The following LARP4B variants were observed in gnomAD, a reference collection of about 807,000 sequenced individuals.
LARP4B encodes the protein La ribonucleoprotein 4B.
Under a neutral mutation model 89.8 loss-of-function variants are expected in LARP4B, and 12 were observed. That is an observed-to-expected ratio of 0.13 (90% CI 0.09 to 0.22). The LOEUF (loss-of-function observed/expected upper bound fraction) is 0.22, where lower values mean the gene tolerates loss of function less well. LARP4B is among the 10% of genes least tolerant of loss of function. The pLI is 1.00. For synonymous variants in LARP4B, 367 were observed against 363.3 expected (o/e 1.01, Z -0.12); for missense variants, 757 against 947.7 (o/e 0.80, Z 2.64).
At chr10:869,521 T>C (rs1835088280) in intron 3 of LARP4B, among the ~76,000 whole-genome samples, 1 of 152,184 alleles carries the variant, frequency 6.6e-6, no homozygotes, top group South Asian at 2.1e-4. Flanking sequence ...GTTATAGTAA[T>C]TCACAGCCAT....
chr10:942,920 A>G, the LARP4B span, among the ~76,000 whole-genome samples: 1 of 150,610 alleles, frequency 6.6e-6, no homozygotes, highest in Admixed American at 6.6e-5. Context: ...TCCAGCTTTC[A>G]GATGATCACA....
Position 897,950 on chromosome 10 carries a change from T to TGCACTCCA in LARP4B, c.-39-12198_-39-12191dup, listed in dbSNP as rs1474012268. On this transcript the variant is annotated intron_variant, in intron 1 of 17. Coordinates refer to ENST00000316157, the MANE Select transcript of LARP4B (RefSeq NM_015155.3). ...TTGCAGTGAGCCAAGATCACGCCAC[T>TGCACTCCA]GCACTCCAGCCTGGGCGACAAAGCG... Among the ~76,000 whole-genome samples, 5 of 127,670 alleles carry TGCACTCCA rather than the reference T, an allele frequency of 3.9e-5. No individual in the cohort carries two copies. The Admixed American group carries it at 4.0e-4, about 10-fold the overall frequency. 83.8% of individuals were successfully genotyped at this position (127,670 alleles called of 152,430 possible). A position where few individuals can be genotyped will look rare whatever the true frequency, so the allele number is the denominator to read the frequency against.
intron 3 of LARP4B, among the ~76,000 whole-genome samples, chr10:879,631 G>C (rs1835592328): frequency 6.6e-6 from 1 of 152,176 alleles, no homozygotes; most frequent in Admixed American, 6.5e-5. Flanking sequence ...CTGAGTAGCT[G>C]AGACAGCAGG....
At chr10:836,084 A>G (rs990616619) in intron 8 of LARP4B, among the ~76,000 whole-genome samples, 2 of 152,150 alleles carry the variant, frequency 1.3e-5, no homozygotes, top group Admixed American at 1.3e-4. Flanking sequence ...TTATCACAAA[A>G]GTGCTCTTTT....
intron 1 of LARP4B, among the ~76,000 whole-genome samples, chr10:931,203 C>T (rs1359723963): frequency 6.7e-6 from 1 of 149,594 alleles, no homozygotes; most frequent in Admixed American, 6.6e-5. Context: ...TTTTTCCTGG[C>T]CCTGACCCCG....
chr10:849,618 TG>T (rs1354164516), intron 5 of LARP4B, among the ~76,000 whole-genome samples: 1 of 152,198 alleles, frequency 6.6e-6, no homozygotes, highest in Non-Finnish European at 1.5e-5. Context: ...TCCTTAAGTG[TG>T]GGCTGTACGC....
chr10:959,414 T>TC, the LARP4B span, among the ~76,000 whole-genome samples: 12 of 73,796 alleles, frequency 1.6e-4, no homozygotes, highest in African/African-American at 4.3e-4. Context: ...TCCCCATCAA[T>TC]CCACCTCCCC....
At chr10:887,209 G>T (rs781182359) in intron 1 of LARP4B, among the ~76,000 whole-genome samples, 6 of 152,112 alleles carry the variant, frequency 3.9e-5, no homozygotes, top group Non-Finnish European at 7.3e-5. Context: ...TAAGTCTAGA[G>T]ATCTGATGTA....
chr10:977,129 C>T, the LARP4B span, among the ~76,000 whole-genome samples: 4 of 152,052 alleles, frequency 2.6e-5, no homozygotes, highest in African/African-American at 9.7e-5. Context: ...TTAAATAATG[C>T]TGAATTTATT....
chr10:820,691 T>A, intron 14 of LARP4B, 109 bp downstream of exon 14: 1 of 1,004,350 alleles, frequency 1.0e-6, no homozygotes, highest in Non-Finnish European at 1.5e-6. Flanking sequence ...ACAAGTCTTT[T>A]GAAATGCTCA....
chr10:881,521 A>G (rs1260789869), intron 3 of LARP4B, among the ~76,000 whole-genome samples: 1 of 151,518 alleles, frequency 6.6e-6, no homozygotes, highest in Admixed American at 6.6e-5. Flanking sequence ...CCCTCTGACC[A>G]CTCCGCGTCC....
At chr10:888,340 A>C (rs995328225) in intron 1 of LARP4B, among the ~76,000 whole-genome samples, 16 of 145,196 alleles carry the variant, frequency 1.1e-4, no homozygotes, top group African/African-American at 3.0e-4. Flanking sequence ...AAACAAACAA[A>C]AAAAAAAAAA....
intron 1 of LARP4B, among the ~76,000 whole-genome samples, chr10:922,186 A>G (rs1162752399): frequency 6.6e-6 from 1 of 152,218 alleles, no homozygotes; most frequent in Non-Finnish European, 1.5e-5. Flanking sequence ...GATCCCTTGC[A>G]TGTGCAGTGC....
chr10:977,138 T>TTTTATTTA, the LARP4B span, among the ~76,000 whole-genome samples: 1 of 152,046 alleles, frequency 6.6e-6, no homozygotes, highest in African/African-American at 2.4e-5. Flanking sequence ...GCTGAATTTA[T>TTTTATTTA]TTTATTTATT....
intron 5 of LARP4B, among the ~76,000 whole-genome samples, chr10:859,498 C>T (rs1834480810): frequency 6.6e-6 from 1 of 152,134 alleles, no homozygotes; most frequent in African/African-American, 2.4e-5. Context: ...CATACTCTGA[C>T]CTTATGATCC....
chr10:834,892 T>TGTAATCCCAGCACTTTGGGAGGCC (rs1833114000), intron 8 of LARP4B, among the ~76,000 whole-genome samples: 1 of 152,114 alleles, frequency 6.6e-6, no homozygotes, highest in African/African-American at 2.4e-5. Flanking sequence ...GGCTCACACC[T>TGTAATCCCAGCACTTTGGGAGGCC]GTAATCCCAG....
chr10:915,832 C>CAAAAA (rs71297915), intron 1 of LARP4B, among the ~76,000 whole-genome samples: 1 of 75,146 alleles, frequency 1.3e-5, no homozygotes, highest in African/African-American at 5.4e-5. Flanking sequence ...GACTCCGCCT[C>CAAAAA]AAAAAAAAAA....
chr10:945,648 A>G, the LARP4B span, among the ~76,000 whole-genome samples: 1 of 151,250 alleles, frequency 6.6e-6, no homozygotes, highest in African/African-American at 2.4e-5. Flanking sequence ...GGATCACGCC[A>G]CTGCACTCCA....
chr10:907,736 G>A (rs1165454257), intron 1 of LARP4B, among the ~76,000 whole-genome samples: 2 of 152,096 alleles, frequency 1.3e-5, no homozygotes, highest in African/African-American at 4.8e-5. Context: ...TGATATGACT[G>A]GGCTGGCAGT....
Sources: gnomAD v4.1 joint callset for allele counts (sites outside exome capture counted in the v4.1 genomes callset) on GRCh38, gnomAD v4.1.1 for gene constraint, MANE v1.5 for transcripts, NCBI Gene and HGNC (gene_info 2026-07-23, HGNC 2026-07-21) for gene names.